TTN: variants seen among roughly 807,000 people sequenced by gnomAD.
TTN encodes titin.
In TTN, 1,525 loss-of-function variants were observed where a neutral mutation model predicts 3,223.0. The ratio of observed to expected loss-of-function variants is 0.47; its 90% confidence interval spans 0.45 to 0.49. TTN has a LOEUF of 0.49. Ranked by LOEUF, TTN falls within the 20% of genes least tolerant of loss-of-function variation. The pLI, the probability that TTN is intolerant of heterozygous loss-of-function variation, is 0.00. For synonymous variants in TTN, 14,094 were observed against 15,161.0 expected (o/e 0.93, Z 5.17); for missense variants, 40,786 against 43,424.0 (o/e 0.94, Z 5.40).
intron 125 of TTN, 26 bp downstream of exon 125, chr2:178,689,027 T>TTTTTAA: frequency 8.8e-7 from 1 of 1,131,068 alleles, no homozygotes; most frequent in Non-Finnish European, 1.2e-6. Context: ...TTTTTTTTTT[T>TTTTTAA]GTCAGAGGAT....
intron 240 of TTN, among the ~76,000 whole-genome samples, chr2:178,625,612 G>A (rs1034268280): frequency 5.9e-5 from 9 of 151,854 alleles, no homozygotes; most frequent in Non-Finnish European, 1.3e-4. Flanking sequence ...TAGGGTACAT[G>A]TGCACAATGT....
chr2:178,566,845 A>G lies in TTN; in HGVS notation c.79287T>C (p.Ser26429=), dbSNP rs994727161. 1.2e-6 allele frequency: 2 copies of G among 1,613,292 alleles called. No individual in the cohort carries two copies. The highest frequency in any genetic ancestry group is 1.7e-6 in the Non-Finnish European group (2 of 1,179,668). ...TATTACATTTTATCCATCGAATGCC[A>G]CTTCTGTCTCTTTTCTCTACAATGT... is the stretch of plus-strand genomic sequence containing the variant. ...IGYIVEKRDR[S]GIRWIKCNKR... Residue 26429 remains serine (S), a synonymous_variant, in exon 326 of 363, where the codon AGT becomes AGC. Transcript: ENST00000589042.
intron 47 of TTN, chr2:178,747,066 C>G (rs2083809426): frequency 5.0e-6 from 8 of 1,612,834 alleles, no homozygotes; most frequent in Non-Finnish European, 6.8e-6. Flanking sequence ...TCTAGTGCCT[C>G]CCCTGGGGGT....
intron 218 of TTN, among the ~76,000 whole-genome samples, chr2:178,643,231 T>G (rs1344036124): frequency 6.6e-6 from 1 of 152,056 alleles, no homozygotes; most frequent in Non-Finnish European, 1.5e-5. Context: ...TAAAACTTCC[T>G]ATTTAGGGCT....
chr2:178,609,739 C>T lies in TTN; in HGVS notation c.51684G>A (p.Ala17228=), dbSNP rs2288566. 0.023 allele frequency: 37,655 copies of T among 1,611,852 alleles called. 620 individuals are homozygous for T. The highest frequency in any genetic ancestry group is 0.09 in the East Asian group (4,035 of 44,746). The change falls in exon 272 of 363, where the codon GCG becomes GCA. Residue 17228 remains alanine, a synonymous_variant. Coordinates refer to ENST00000589042, the MANE Select transcript of TTN (RefSeq NM_001267550.2). ...TAGCCCGAGAAGGTTCACTAATACCCGCGGCGTTCTCTGCTCGCACACGGA... is the reference window on the plus strand; with the variant it reads ...TAGCCCGAGAAGGTTCACTAATACCTGCGGCGTTCTCTGCTCGCACACGGA... ...YQFRVRAENA[A]GISEPSRATP... is the part of the protein sequence containing the mutation.
At chr2:178,749,793 G>A (rs1377229995) in intron 47 of TTN, 1 of 1,613,018 alleles carries the variant, frequency 6.2e-7, no homozygotes, top group Admixed American at 1.7e-5. Context: ...TGAAACTTCT[G>A]GTTCTGCTTT....
chr2:178,732,411 C>A, intron 56 of TTN, 29 bp downstream of exon 56: 1 of 1,585,896 alleles, frequency 6.3e-7, no homozygotes, highest in South Asian at 1.2e-5. Context: ...ACAAGGTTAG[C>A]ACAAAGATGT....
chr2:178,629,894 T>A (rs1304316448), intron 239 of TTN, among the ~76,000 whole-genome samples: 3 of 152,080 alleles, frequency 2.0e-5, no homozygotes, highest in Non-Finnish European at 4.4e-5. Flanking sequence ...GCAAAGCTTG[T>A]CTTTCTGGTG....
intron 140 of TTN, 105 bp downstream of exon 140, chr2:178,679,789 G>C (rs2068920431): frequency 1.3e-6 from 2 of 1,542,786 alleles, no homozygotes; most frequent in East Asian, 4.5e-5. Context: ...CTGCTTTAAA[G>C]TAAGCAATCA....
intron 295 of TTN, 102 bp downstream of exon 295, chr2:178,595,405 G>A (rs907685404): frequency 9.7e-6 from 11 of 1,136,084 alleles, no homozygotes; most frequent in Admixed American, 2.6e-5. Context: ...TGCTTGTCAA[G>A]TGAATGAAAT....
rs760377288 is a variant in TTN, at chr2:178,548,523, A to G, written c.93103T>C (p.Leu31035=). The change falls in exon 339 of 363, where the codon TTG becomes CTG. Residue 31035 remains leucine (L), a synonymous_variant. Coordinates refer to ENST00000589042, the MANE Select transcript of TTN (RefSeq NM_001267550.2). This position sits in a 1 kb window ranked among gnomAD's most constrained non-coding sequence, Gnocchi z 4.3. ...TCAAGAAGAGGGGCATCCCACATCA[A>G]TGTAGCAGATCCCCGGGTCACATCT... The part of the protein sequence containing the change: ...FKDVTRGSAT[L]MWDAPLLDGG... 7.4e-6 allele frequency: 12 copies of G among 1,613,742 alleles called. No homozygotes were observed. The highest frequency in any genetic ancestry group is 1.0e-5 in the Non-Finnish European group (12 of 1,179,808).
chr2:178,767,060 A>G (rs1158458668), intron 40 of TTN, among the ~76,000 whole-genome samples: 1 of 152,232 alleles, frequency 6.6e-6, no homozygotes, highest in Non-Finnish European at 1.5e-5. Flanking sequence ...CAGAATTGGC[A>G]AATAAATGAT....
rs2047417746 is a variant in TTN at position 178,580,357 on chromosome 2, C to T, written c.67022G>A (p.Gly22341Asp). The change falls in exon 317 of 363, where the codon GGT becomes GAT. Residue 22341 changes from glycine to aspartate, a missense_variant. Transcript: ENST00000589042. ...CACAACAATGGTATATTCCTTTTTA[C>T]CACAGCTGTTCTCCAGGGTTAAGAT... is the stretch of plus-strand genomic sequence containing the variant. ...KYILTLENSC[G>D]KKEYTIVVKV... is the part of the protein sequence containing the mutation. 6.2e-7 allele frequency: 1 copy of T among 1,613,016 alleles called. No individual in the cohort carries two copies. The highest frequency in any genetic ancestry group is 1.3e-5 in the African/African-American group (1 of 74,864).
At position 178,785,701 on chromosome 2, in the gene TTN, A is replaced by G; in HGVS notation, c.2412T>C (p.His804=). Residue 804 remains histidine (H), a synonymous_variant, in exon 15 of 363, where the codon CAT becomes CAC. Coordinates refer to ENST00000589042, the MANE Select transcript of TTN (RefSeq NM_001267550.2). ...TAGCTGTGCGGGGGCGTTTATCCAC[A>G]TGGACTAATCTTTCCGTTGTTAGAT... The part of the protein sequence containing the change: ...TTDLTTERLV[H]VDKRPRTASP... 6.2e-7 allele frequency: 1 copy of G among 1,614,182 alleles called. No individual in the cohort carries two copies. Among genetic ancestry groups the G allele is most frequent in the Non-Finnish European group, 8.5e-7 (1 of 1,180,014 alleles).
chr2:178,756,313 A>T lies in TTN; in HGVS notation c.11163T>A (p.Asn3721Lys), dbSNP rs1216349904. The T allele has an allele frequency of 6.2e-7, 1 of 1,613,926 alleles. No homozygotes were observed. The highest frequency in any genetic ancestry group is 1.1e-5 in the South Asian group (1 of 91,084). ...NGNIQFLTIC[N>K]VQLVDQGLYS... ...ATAGTCCTTGGTCTACCAGCTGAAC[A>T]TTACATATGGTAAGAAACTGAATAT... The change falls in exon 46 of 363, where the codon AAT becomes AAA. Residue 3721 changes from asparagine to lysine, a missense_variant. Asn to Lys is a moderately conservative substitution (Grantham distance 94, BLOSUM62 0). Transcript: ENST00000589042.
chr2:178,632,391 G>A lies in TTN; in HGVS notation c.43503C>T (p.Thr14501=). 6.3e-7 allele frequency: 1 copy of A among 1,592,530 alleles called. No homozygotes were observed. Among genetic ancestry groups the A allele is most frequent in the Non-Finnish European group, 8.5e-7 (1 of 1,170,824 alleles). ...CTTTGGCAGTTACATCTTTGAGAGG[G>A]GTGAGGAATTTGAGCCGGATTCCTA... ...IIEGIRLKFL[T]PLKDVTAKEK... Residue 14501 remains threonine, a synonymous_variant, in exon 236 of 363, where the codon ACC becomes ACT. Coordinates refer to ENST00000589042, the MANE Select transcript of TTN (RefSeq NM_001267550.2).
In TTN at chr2:178,548,937, T is replaced by C; in HGVS notation, c.92689A>G (p.Ser30897Gly). The C allele has an allele frequency of 6.2e-7, 1 of 1,613,930 alleles. No individual in the cohort carries two copies. Among genetic ancestry groups the C allele is most frequent in the South Asian group, 1.1e-5 (1 of 91,082 alleles). Reference protein sequence around the residue: ...QAGEEYKFRVSAINGAGKGDS... With the variant: ...QAGEEYKFRVGAINGAGKGDS... ...CCTTTTCCAGCACCATTGATAGCAC[T>C]AACTCGGAATTTGTATTCTTCACCT... The change falls in exon 339 of 363, where the codon AGT (serine) becomes GGT (glycine). Residue 30897 changes from serine (S) to glycine (G), a missense_variant. Physicochemically the swap from Ser to Gly is moderately conservative, Grantham distance 56. Transcript: ENST00000589042. The surrounding 1 kb of genome is among the most constrained non-coding windows in gnomAD (Gnocchi z 4.3).
rs1559780843 is a variant in TTN at position 178,611,588 on chromosome 2, C to T, written c.50641G>A (p.Gly16881Arg). The T allele has an allele frequency of 3.1e-6, 5 of 1,613,006 alleles. No homozygotes were observed. The South Asian group carries it at 4.4e-5, about 14-fold the overall frequency. The stretch of plus-strand genomic sequence containing the variant: ...ACATGGTATCCTATGATAGGACTTC[C>T]ACCATTTTTCTCTGGAGGCTTCCAA... ...IAWKPPEKNG[G>R]SPIIGYHVEM... The change falls in exon 269 of 363, where the codon GGA becomes AGA. Residue 16881 changes from glycine (G) to arginine (R), a missense_variant. By Grantham distance (125) the Gly-to-Arg change is moderately radical. Coordinates refer to ENST00000589042, the MANE Select transcript of TTN (RefSeq NM_001267550.2).
In TTN at chr2:178,800,587, G is replaced by A. The variant is rs747867752; in HGVS notation, c.391C>T (p.Pro131Ser). The change falls in exon 4 of 363, where the codon CCT becomes TCT. Residue 131 changes from proline to serine, a missense_variant. Transcript: ENST00000589042. ...VRLQVRVTGI[P>S]TPVVKFYRDG... ...CGGTAGAACTTCACCACAGGTGTAG[G>A]GATTCCAGTCACTCTCACTTGGAGT... The A allele has an allele frequency of 6.2e-6, 10 of 1,614,030 alleles. No individual in the cohort carries two copies. The South Asian group carries it at 1.1e-4, about 18-fold the overall frequency.
Sources: gnomAD v4.1 joint callset for allele counts (sites outside exome capture counted in the v4.1 genomes callset) on GRCh38, gnomAD v4.1.1 for gene constraint, Gnocchi (gnomAD v3.1) non-coding constraint, MANE v1.5 for transcripts, NCBI Gene and HGNC (gene_info 2026-07-23, HGNC 2026-07-21) for gene names.